Variants in ZNF407 observed in about 807,000 individuals in gnomAD.
ZNF407 encodes the protein zinc finger protein 407.
A neutral mutation model predicts 131.2 loss-of-function variants in ZNF407; 17 were observed. That is an observed-to-expected ratio of 0.13 (90% CI 0.09 to 0.19). The LOEUF is 0.19. Ranked by LOEUF, ZNF407 falls within the 10% of genes least tolerant of loss-of-function variation. The pLI, the probability that ZNF407 is intolerant of heterozygous loss-of-function variation, is 1.00. For synonymous variants in ZNF407, 1,156 were observed against 1,062.0 expected, an observed-to-expected ratio of 1.09 and a Z score of -1.72; for missense variants, 2,681 against 2,830.6, an observed-to-expected ratio of 0.95 and a Z score of 1.20.
chr18:74,920,504 T>TAA lies in ZNF407; in HGVS notation c.5250-9_5250-8insAA. The stretch of plus-strand genomic sequence containing the variant: ...CTTAATTAGATTTACTTTTCTGTCT[T>TAA]ACTTGGTAGGTCAAACTGTGCTGAA... On this transcript the variant is annotated splice_polypyrimidine_tract_variant and intron_variant, in intron 7 of 8. Coordinates refer to ENST00000299687, the MANE Select transcript of ZNF407 (RefSeq NM_017757.3). 1.3e-6 allele frequency: 2 copies of TAA among 1,566,818 alleles called. No individual in the cohort carries two copies. The highest frequency in any genetic ancestry group is 1.7e-6 in the Non-Finnish European group (2 of 1,146,934).
chr18:74,668,365 CAT>C (rs56391248), intron 3 of ZNF407, among the ~76,000 whole-genome samples: 78,285 of 151,820 alleles, frequency 0.52, 21,614 homozygotes, highest in East Asian at 0.81. Context: ...AACTGGAAAA[CAT>C]ATGAAATCTG....
intron 7 of ZNF407, among the ~76,000 whole-genome samples, chr18:74,910,509 C>T (rs1479766811): frequency 6.6e-6 from 1 of 151,974 alleles, no homozygotes; most frequent in African/African-American, 2.4e-5. Flanking sequence ...TATGACTTAA[C>T]ATTCACTTAA....
intron 3 of ZNF407, among the ~76,000 whole-genome samples, chr18:74,650,232 GTC>G (rs1985163547): frequency 6.6e-6 from 1 of 152,144 alleles, no homozygotes; most frequent in South Asian, 2.1e-4. Flanking sequence ...CCTCCCTGCT[GTC>G]TCTTAGTTCT....
At chr18:74,728,199 C>T (rs571207833) in intron 3 of ZNF407, among the ~76,000 whole-genome samples, 60 of 152,240 alleles carry the variant, frequency 3.9e-4, no homozygotes, top group Non-Finnish European at 6.8e-4. Context: ...TGAGAAACAT[C>T]AGAAGAAACT....
intron 3 of ZNF407, among the ~76,000 whole-genome samples, chr18:74,779,235 C>T (rs979030928): frequency 6.7e-6 from 1 of 149,524 alleles, no homozygotes; most frequent in East Asian, 2.0e-4. Context: ...CCTGCCTCAA[C>T]CTCCCCAGCA....
intron 3 of ZNF407, among the ~76,000 whole-genome samples, chr18:74,737,574 C>A (rs1005763959): frequency 3.3e-5 from 5 of 152,176 alleles, no homozygotes; most frequent in Admixed American, 1.3e-4. Context: ...GTATTTTCAA[C>A]AAAGGACCAT....
intron 3 of ZNF407, among the ~76,000 whole-genome samples, chr18:74,715,819 C>G (rs1967880565): frequency 6.6e-6 from 1 of 152,138 alleles, no homozygotes; most frequent in Non-Finnish European, 1.5e-5. Flanking sequence ...AATCAATGTT[C>G]TTAGCATATT....
chr18:75,038,966 CT>C (rs1049564040), intron 8 of ZNF407, among the ~76,000 whole-genome samples: 4 of 152,218 alleles, frequency 2.6e-5, no homozygotes, highest in African/African-American at 9.6e-5. Context: ...TGATCAGAAA[CT>C]GTTCCTAATA....
chr18:74,598,212 G>A, intron 1 of ZNF407: 1 of 152,500 alleles, frequency 6.6e-6, no homozygotes, highest in Non-Finnish European at 1.5e-5. Flanking sequence ...GGCCCCAGCT[G>A]CCGCCCTGCC....
intron 7 of ZNF407, among the ~76,000 whole-genome samples, chr18:74,918,542 G>C (rs1454264905): frequency 6.6e-6 from 1 of 152,120 alleles, no homozygotes; most frequent in African/African-American, 2.4e-5. Flanking sequence ...AAGCAAGTTT[G>C]ACAATTCGGT....
intron 7 of ZNF407, among the ~76,000 whole-genome samples, chr18:74,893,124 G>T (rs535221892): frequency 6.6e-6 from 1 of 152,230 alleles, no homozygotes; most frequent in East Asian, 1.9e-4. Context: ...CCTCACTTCT[G>T]TTTAGGACCG....
chr18:74,818,653 A>AC (rs1197928317), intron 4 of ZNF407, among the ~76,000 whole-genome samples: 1 of 152,214 alleles, frequency 6.6e-6, no homozygotes, highest in Non-Finnish European at 1.5e-5. Flanking sequence ...TTAAAAACAC[A>AC]CTTTGGCTAA....
At chr18:74,910,684 T>A (rs1971657789) in intron 7 of ZNF407, among the ~76,000 whole-genome samples, 1 of 152,188 alleles carries the variant, frequency 6.6e-6, no homozygotes, top group Non-Finnish European at 1.5e-5. Context: ...CCACTTTCAT[T>A]CTTAATACCA....
intron 4 of ZNF407, among the ~76,000 whole-genome samples, chr18:74,831,233 C>T (rs1175258037): frequency 6.6e-6 from 1 of 152,180 alleles, no homozygotes; most frequent in Non-Finnish European, 1.5e-5. Flanking sequence ...TGGCAGTAAA[C>T]ATAGGAGTAC....
Position 74,781,515 on chromosome 18 carries a change from CTT to C in ZNF407, c.4877+21_4877+22del. Reference sequence around the variant, plus strand: ...CCCCAAAAGAAAGGTAATTTTCATTCTTTTTTTTTCATTTAAAAATACAATTT... The same window carrying C: ...CCCCAAAAGAAAGGTAATTTTCATTCTTTTTTTCATTTAAAAATACAATTT... On this transcript the variant is annotated intron_variant, in intron 4 of 8. Coordinates refer to ENST00000299687, the MANE Select transcript of ZNF407 (RefSeq NM_017757.3). 1 of 1,462,210 alleles carries C rather than the reference CTT, an allele frequency of 6.8e-7. No homozygotes were observed. The allele number at this position is 1,462,210 out of a possible 1,614,324, so 90.6% of individuals were successfully genotyped here. A position where few individuals can be genotyped will look rare whatever the true frequency, so the allele number is the denominator to read the frequency against.
intron 3 of ZNF407, among the ~76,000 whole-genome samples, chr18:74,769,765 A>G (rs550151609): frequency 1.2e-4 from 19 of 152,202 alleles, no homozygotes; most frequent in South Asian, 4.1e-4. Context: ...AGCATTTTTC[A>G]CTGAACTTCT....
Position 75,045,132 on chromosome 18 carries a change from C to T in ZNF407, c.5429-18018C>T, listed in dbSNP as rs375268191. Reference sequence around the variant, plus strand: ...TGCTTGGGTGTGGGGGTGCGTGGGGCGGTGTGGGTGTGCACGCATGTACAT... The same window carrying T: ...TGCTTGGGTGTGGGGGTGCGTGGGGTGGTGTGGGTGTGCACGCATGTACAT... On this transcript the variant is annotated intron_variant, in intron 8 of 8. Transcript: ENST00000299687. Among the ~76,000 whole-genome samples the T allele has an allele frequency of 3.8e-3, 577 of 150,066 alleles. 7 individuals carry two copies. The highest frequency in any genetic ancestry group is 0.012 in the African/African-American group (485 of 40,638).
chr18:74,915,401 AGGAGTGTGT>A (rs1220324684), intron 7 of ZNF407, among the ~76,000 whole-genome samples: 3 of 20,024 alleles, frequency 1.5e-4, no homozygotes, highest in African/African-American at 3.7e-4. Flanking sequence ...GGTTCGAATC[AGGAGTGTGT>A]GTGTGTGTGT....
chr18:74,941,660 A>G, intron 8 of ZNF407, among the ~76,000 whole-genome samples: 1 of 152,236 alleles, frequency 6.6e-6, no homozygotes, highest in Non-Finnish European at 1.5e-5. Flanking sequence ...TCCTTTCTCA[A>G]GTAGCAAATG....
Sources: allele counts gnomAD v4.1 joint callset (sites outside exome capture counted in the v4.1 genomes callset), GRCh38; gene constraint gnomAD v4.1.1; transcripts MANE v1.5; gene names NCBI Gene and HGNC (gene_info 2026-07-23, HGNC 2026-07-21).